The following COL14A1 variants were observed in gnomAD, a reference collection of about 807,000 sequenced individuals.
COL14A1 encodes collagen type XIV alpha 1 chain, also known as collagen alpha-1(XIV) chain.
Under a neutral mutation model 230.3 loss-of-function variants are expected in COL14A1, and 136 were observed. The ratio of observed to expected loss-of-function variants is 0.59; its 90% CI spans 0.51 to 0.68. The LOEUF (loss-of-function observed/expected upper bound fraction) is 0.68, where lower values mean the gene tolerates loss of function less well. COL14A1 is among the 30% of genes least tolerant of loss of function. The pLI is 0.00. For synonymous variants in COL14A1, 792 were observed against 784.1 expected, an observed-to-expected ratio of 1.01 and a Z score of -0.17; for missense variants, 1,976 against 2,215.8, an observed-to-expected ratio of 0.89 and a Z score of 2.17.
intron 26 of COL14A1, among the ~76,000 whole-genome samples, chr8:120,272,973 C>CA (rs1199859097): frequency 2.0e-4 from 30 of 151,864 alleles, no homozygotes; most frequent in African/African-American, 7.2e-4. Context: ...AGATTCTATA[C>CA]AAGAAGTGCA....
intron 8 of COL14A1, 97 bp from the exon 9 acceptor site, chr8:120,203,612 G>A: frequency 9.4e-7 from 1 of 1,061,968 alleles, no homozygotes; most frequent in Non-Finnish European, 1.4e-6. Context: ...TTTGACTGCA[G>A]TGAAGATTGA....
intron 5 of COL14A1, among the ~76,000 whole-genome samples, chr8:120,176,206 A>G (rs2130617606): frequency 6.6e-6 from 1 of 152,370 alleles, no homozygotes; most frequent in East Asian, 1.9e-4. Flanking sequence ...ATGAATACAT[A>G]GAAGAGCTGG....
chr8:120,179,203 A>C (rs1307645331), intron 5 of COL14A1, among the ~76,000 whole-genome samples: 4 of 152,216 alleles, frequency 2.6e-5, no homozygotes, highest in African/African-American at 9.6e-5. Flanking sequence ...ATCATGCAAG[A>C]GAAAGAAATA....
intron 18 of COL14A1, 129 bp from the exon 19 acceptor site, chr8:120,231,338 C>A: frequency 1.1e-6 from 1 of 946,534 alleles, no homozygotes. Flanking sequence ...GCCCTTCTTG[C>A]CTCATATACA....
At chr8:120,244,791 AC>A (rs1396078995) in intron 20 of COL14A1, among the ~76,000 whole-genome samples, 2 of 152,044 alleles carry the variant, frequency 1.3e-5, no homozygotes, top group African/African-American at 2.4e-5. Flanking sequence ...TCCTGCTTCT[AC>A]TCATGCCATC....
chr8:120,172,549 T>A (rs1816128154), intron 5 of COL14A1, among the ~76,000 whole-genome samples: 2 of 152,200 alleles, frequency 1.3e-5, no homozygotes, highest in African/African-American at 2.4e-5. Context: ...ATGTGGAAAT[T>A]GTTCACAGCA....
At chr8:120,129,775 C>T (rs1046200979) in intron 1 of COL14A1, among the ~76,000 whole-genome samples, 14 of 152,148 alleles carry the variant, frequency 9.2e-5, no homozygotes, top group Non-Finnish European at 1.5e-4. Context: ...TGACCCTAGG[C>T]GAAGTGTAAA....
intron 1 of COL14A1, among the ~76,000 whole-genome samples, chr8:120,133,652 G>A (rs1395499722): frequency 6.6e-6 from 1 of 152,090 alleles, no homozygotes; most frequent in African/African-American, 2.4e-5. Context: ...CAGTATATTT[G>A]TGTTTGTCTT....
intron 5 of COL14A1, among the ~76,000 whole-genome samples, chr8:120,188,001 T>A (rs1816697640): frequency 6.6e-6 from 1 of 152,108 alleles, no homozygotes; most frequent in Non-Finnish European, 1.5e-5. Flanking sequence ...CCTTTCTGAC[T>A]GCAAATGGGA....
chr8:120,258,470 G>C (rs930612690), intron 23 of COL14A1, among the ~76,000 whole-genome samples: 1 of 152,194 alleles, frequency 6.6e-6, no homozygotes, highest in African/African-American at 2.4e-5. Context: ...TTCCACCCCT[G>C]TATCTGGTGG....
chr8:120,269,415 C>T (rs967750464), intron 25 of COL14A1, among the ~76,000 whole-genome samples: 23 of 151,778 alleles, frequency 1.5e-4, no homozygotes, highest in Middle Eastern at 6.8e-3. Context: ...TAATACTTTC[C>T]CTTGGCTAGC....
Position 120,343,167 on chromosome 8 carries a change from T to C in COL14A1, c.4888+721T>C, listed in dbSNP as rs910523006. Among the ~76,000 whole-genome samples, 3 of 152,192 alleles carry C rather than the reference T, an allele frequency of 2.0e-5. No homozygotes were observed. In the South Asian group the frequency reaches 6.2e-4, roughly 31 times the overall value. The stretch of plus-strand genomic sequence containing the variant: ...TTCTGCTCTGCCCACTGATTATATA[T>C]TTTATCACAGTAATCTAATCAGATG... On this transcript the variant is annotated intron_variant, in intron 44 of 47. Transcript: ENST00000297848.
chr8:120,304,721 C>A (rs188799275), intron 36 of COL14A1, among the ~76,000 whole-genome samples: 1 of 152,156 alleles, frequency 6.6e-6, no homozygotes, highest in Non-Finnish European at 1.5e-5. Flanking sequence ...CTCATTCCAG[C>A]CAGTTGGAAA....
At chr8:120,222,315 C>T (rs1462240051) in intron 14 of COL14A1, among the ~76,000 whole-genome samples, 2 of 152,166 alleles carry the variant, frequency 1.3e-5, no homozygotes, top group Non-Finnish European at 2.9e-5. Flanking sequence ...GAAGATAATC[C>T]ATATTTTCAA....
chr8:120,322,986 C>A (rs924550748), intron 40 of COL14A1, among the ~76,000 whole-genome samples: 10 of 152,208 alleles, frequency 6.6e-5, no homozygotes, highest in Non-Finnish European at 1.5e-4. Flanking sequence ...GCACTGCCTT[C>A]CACAATGGTT....
At chr8:120,161,419 C>T (rs1815662440) in intron 3 of COL14A1, among the ~76,000 whole-genome samples, 1 of 152,148 alleles carries the variant, frequency 6.6e-6, no homozygotes, top group Non-Finnish European at 1.5e-5. Context: ...TCAGCACTTT[C>T]AAGAAAGCCT....
rs1049666633 is a variant in COL14A1, at chr8:120,287,845, A to C, written c.4078-1763A>C. On this transcript the variant is annotated intron_variant, in intron 33 of 47. Coordinates refer to ENST00000297848, the MANE Select transcript of COL14A1 (RefSeq NM_021110.4). ...CTATTTGTTCATAGACTTATAAATG[A>C]ATAAATACTTTATCTTAATTTCTCA... Among the ~76,000 whole-genome samples the C allele has an allele frequency of 5.9e-5, 9 of 152,128 alleles. No individual in the cohort carries two copies. The East Asian group carries it at 1.7e-3, about 29-fold the overall frequency.
chr8:120,254,196 G>A (rs374268799), intron 22 of COL14A1, among the ~76,000 whole-genome samples: 1 of 152,088 alleles, frequency 6.6e-6, no homozygotes, highest in South Asian at 2.1e-4. Context: ...GAGGTCATTA[G>A]GAAAAGTAAA....
At chr8:120,257,395 A>T (rs535707623) in intron 23 of COL14A1, among the ~76,000 whole-genome samples, 31 of 152,354 alleles carry the variant, frequency 2.0e-4, no homozygotes, top group African/African-American at 7.0e-4. Flanking sequence ...TTATTTATCA[A>T]CTGGACAGCA....
Sources: gnomAD v4.1 joint callset for allele counts (sites outside exome capture counted in the v4.1 genomes callset) on GRCh38, gnomAD v4.1.1 for gene constraint, MANE v1.5 for transcripts, NCBI Gene and HGNC (gene_info 2026-07-23, HGNC 2026-07-21) for gene names.